The following PTPRO variants were observed in gnomAD, a reference collection of about 807,000 sequenced individuals.
The protein encoded by PTPRO is protein tyrosine phosphatase receptor type O.
PTPRO carries 62 observed loss-of-function variants against 145.2 expected under a neutral mutation model. The ratio of observed to expected loss-of-function variants is 0.43; its 90% confidence interval spans 0.35 to 0.53. The LOEUF (loss-of-function observed/expected upper bound fraction) is 0.53, where lower values mean the gene tolerates loss of function less well. Ranked by LOEUF, PTPRO falls within the 20% of genes least tolerant of loss-of-function variation. The pLI, the probability that PTPRO is intolerant of heterozygous loss-of-function variation, is 0.01. For missense variants in PTPRO, 1,345 were observed against 1,482.7 expected (o/e 0.91, Z 1.53); for synonymous variants, 565 against 514.7 (o/e 1.10, Z -1.32).
intron 6 of PTPRO, among the ~76,000 whole-genome samples, chr12:15,505,963 C>G (rs1424928569): frequency 6.6e-6 from 1 of 152,146 alleles, no homozygotes; most frequent in Non-Finnish European, 1.5e-5. Context: ...TTTTATTACC[C>G]CCATTTTTCA....
chr12:15,346,042 C>A (rs1456269734), intron 1 of PTPRO, among the ~76,000 whole-genome samples: 1 of 152,078 alleles, frequency 6.6e-6, no homozygotes, highest in African/African-American at 2.4e-5. Flanking sequence ...GGTCTCATTT[C>A]TCTGGTGCCT....
Position 15,447,898 on chromosome 12 carries a change from G to A in PTPRO, c.76-36076G>A, listed in dbSNP as rs11056494. ...AATCCCCTGTATGAGGGAAATTGTGGATTTCATGTCAGTCTTCTCAGGAAA... is the reference window on the plus strand; with the variant it reads ...AATCCCCTGTATGAGGGAAATTGTGAATTTCATGTCAGTCTTCTCAGGAAA... On this transcript the variant is annotated intron_variant, in intron 1 of 26. Coordinates refer to ENST00000281171, the MANE Select transcript of PTPRO (RefSeq NM_030667.3). Among the ~76,000 whole-genome samples the A allele has an allele frequency of 5.8e-3, 884 of 152,212 alleles. 51 individuals carry two copies. In the East Asian group the frequency reaches 0.14, roughly 24 times the overall value.
intron 1 of PTPRO, among the ~76,000 whole-genome samples, chr12:15,448,339 T>TAAAAAAAAAAAAAAAAAAA (rs56136736): frequency 0.014 from 619 of 45,034 alleles, 251 homozygotes; most frequent in East Asian, 0.04. Flanking sequence ...CTGTTCCTAG[T>TAAAAAAAAAAAAAAAAAAA]AAAAAAAAAA....
At position 15,483,130 on chromosome 12, in the gene PTPRO, G is replaced by A. The variant is rs190296212; in HGVS notation, c.76-844G>A. On this transcript the variant is annotated intron_variant, in intron 1 of 26. Transcript: ENST00000281171. ...AGTGCAGTGAATAACTTACTCACCC[G>A]GGACACTACATACCTAGAAGATAAA... 7.2e-5 allele frequency among the ~76,000 whole-genome samples: 11 copies of A among 152,128 alleles called. 1 individual carries two copies. The East Asian group carries it at 1.7e-3, about 24-fold the overall frequency.
intron 1 of PTPRO, among the ~76,000 whole-genome samples, chr12:15,419,854 G>A (rs1288797136): frequency 6.6e-6 from 1 of 151,538 alleles, no homozygotes; most frequent in Non-Finnish European, 1.5e-5. Flanking sequence ...GCATATAAGA[G>A]TGTCCCCTCT....
chr12:15,493,316 C>A (rs1173128971), intron 2 of PTPRO, among the ~76,000 whole-genome samples: 2 of 151,574 alleles, frequency 1.3e-5, no homozygotes, highest in Non-Finnish European at 2.9e-5. Flanking sequence ...CCCTAGAGAA[C>A]TTAACACCTA....
At chr12:15,427,550 T>C (rs1297306003) in intron 1 of PTPRO, among the ~76,000 whole-genome samples, 3 of 151,770 alleles carry the variant, frequency 2.0e-5, no homozygotes, top group Non-Finnish European at 2.9e-5. Flanking sequence ...GATAATTTTA[T>C]CTCTTCTTTT....
intron 1 of PTPRO, among the ~76,000 whole-genome samples, chr12:15,344,389 T>A (rs1867122163): frequency 6.6e-6 from 1 of 152,224 alleles, no homozygotes; most frequent in Admixed American, 6.5e-5. Context: ...AGCCAAATTC[T>A]ACTAGACCTC....
At chr12:15,336,120 A>G (rs1487171227) in intron 1 of PTPRO, among the ~76,000 whole-genome samples, 4 of 152,216 alleles carry the variant, frequency 2.6e-5, no homozygotes, top group Non-Finnish European at 5.9e-5. Flanking sequence ...AAAATACAAC[A>G]GGCAGAAAAA....
Position 15,402,013 on chromosome 12 carries a change from G to A in PTPRO, c.75+79212G>A, listed in dbSNP as rs761314174. 3.0e-4 allele frequency among the ~76,000 whole-genome samples: 45 copies of A among 152,076 alleles called. 2 individuals carry two copies. The highest frequency in any genetic ancestry group is 1.9e-4 in the Non-Finnish European group (13 of 68,004). On this transcript the variant is annotated intron_variant, in intron 1 of 26. Coordinates refer to ENST00000281171, the MANE Select transcript of PTPRO (RefSeq NM_030667.3). ...GTGCCCAGATGGGGATTTGGTATTC[G>A]TTTAACTAAATTCTGCTTTAATGTA...
intron 1 of PTPRO, among the ~76,000 whole-genome samples, chr12:15,331,292 T>C (rs1052462064): frequency 6.6e-6 from 1 of 151,944 alleles, no homozygotes; most frequent in African/African-American, 2.4e-5. Flanking sequence ...TATTAGGAAA[T>C]AGGTAGGCTA....
chr12:15,417,338 T>C (rs1306767720), intron 1 of PTPRO, among the ~76,000 whole-genome samples: 1 of 151,714 alleles, frequency 6.6e-6, no homozygotes, highest in African/African-American at 2.4e-5. Flanking sequence ...TCAAGACAAA[T>C]AAAAGTGAAT....
At chr12:15,352,180 T>C (rs1469197301) in intron 1 of PTPRO, among the ~76,000 whole-genome samples, 2 of 152,228 alleles carry the variant, frequency 1.3e-5, no homozygotes, top group Non-Finnish European at 2.9e-5. Flanking sequence ...ACAGGCAGAC[T>C]GTGTTACAAG....
chr12:15,328,092 C>A (rs545558419), intron 1 of PTPRO, among the ~76,000 whole-genome samples: 6 of 150,060 alleles, frequency 4.0e-5, no homozygotes, highest in Non-Finnish European at 8.9e-5. Flanking sequence ...CCAGCCTGGG[C>A]GACAAGAGTG....
At chr12:15,402,302 C>T (rs11056459) in intron 1 of PTPRO, among the ~76,000 whole-genome samples, 11 of 152,018 alleles carry the variant, frequency 7.2e-5, no homozygotes, top group Non-Finnish European at 1.5e-4. Context: ...GCAGGAGAAT[C>T]CCTTGAACCT....
Position 15,502,073 on chromosome 12 carries a change from T to C in PTPRO, c.1105+10T>C, listed in dbSNP as rs1942233203. 1 of 1,599,658 alleles carries C rather than the reference T, an allele frequency of 6.3e-7. No individual in the cohort carries two copies. The highest frequency in any genetic ancestry group is 1.3e-5 in the African/African-American group (1 of 74,680). On this transcript the variant is annotated intron_variant, in intron 5 of 26. Coordinates refer to ENST00000281171, the MANE Select transcript of PTPRO (RefSeq NM_030667.3). ...CATATTGAACGAGAAGGTAAAGCAG[T>C]AGGAAATCAGAGGAAATAAGAACTG...
intron 1 of PTPRO, among the ~76,000 whole-genome samples, chr12:15,425,729 A>C (rs1316252717): frequency 2.3e-5 from 2 of 88,826 alleles, no homozygotes; most frequent in Non-Finnish European, 4.8e-5. Context: ...ATTGCAAAAT[A>C]GATTCATGCA....
chr12:15,370,867 G>A (rs1350710282), intron 1 of PTPRO, among the ~76,000 whole-genome samples: 1 of 152,054 alleles, frequency 6.6e-6, no homozygotes, highest in Non-Finnish European at 1.5e-5. Context: ...CACTACTTAG[G>A]ATATCAAAAG....
At chr12:15,416,493 A>G (rs1367968505) in intron 1 of PTPRO, among the ~76,000 whole-genome samples, 20 of 150,866 alleles carry the variant, frequency 1.3e-4, no homozygotes, top group South Asian at 2.1e-4. Context: ...CTAATTTTTT[A>G]TATTTTTAGT....
Sources: gnomAD v4.1 joint callset for allele counts (sites outside exome capture counted in the v4.1 genomes callset) on GRCh38, gnomAD v4.1.1 for gene constraint, MANE v1.5 for transcripts, NCBI Gene and HGNC (gene_info 2026-07-23, HGNC 2026-07-21) for gene names.